Variants in IFFO2 observed in about 807,000 individuals in gnomAD.
The protein encoded by IFFO2 is intermediate filament family orphan 2.
IFFO2 carries 19 observed loss-of-function variants against 53.5 expected under a neutral mutation model. The observed-to-expected ratio is 0.36, with a 90% confidence interval of 0.25 to 0.52. IFFO2 has a LOEUF of 0.52. IFFO2 is among the 20% of genes least tolerant of loss of function. IFFO2 has a pLI of 0.94. For missense variants in IFFO2, 570 were observed against 727.4 expected, an observed-to-expected ratio of 0.78 and a Z score of 2.49; for synonymous variants, 303 against 313.6, an observed-to-expected ratio of 0.97 and a Z score of 0.36.
chr1:18,914,726 G>A (rs1171905160), intron 5 of IFFO2, among the ~76,000 whole-genome samples: 3 of 151,788 alleles, frequency 2.0e-5, no homozygotes, highest in African/African-American at 7.3e-5. Flanking sequence ...CGGAGACTGA[G>A]GCAGGAGAAT....
At chr1:18,926,303 T>G (rs1175741439) in intron 1 of IFFO2, among the ~76,000 whole-genome samples, 1 of 152,120 alleles carries the variant, frequency 6.6e-6, no homozygotes. Context: ...CTTCATCCAT[T>G]CGGCTCCAGA....
At position 18,904,470 on chromosome 1, in the gene IFFO2, A is replaced by ATGGGGTATAAAGTCTCCCTGGG. The variant is rs1557634387; in HGVS notation, c.*4069_*4090dup. The ATGGGGTATAAAGTCTCCCTGGG allele has an allele frequency of 6.6e-6, 1 of 152,126 alleles. No individual in the cohort carries two copies. Among genetic ancestry groups the ATGGGGTATAAAGTCTCCCTGGG allele is most frequent in the Non-Finnish European group, 1.5e-5 (1 of 68,022 alleles). The allele number at this position is 152,126 out of a possible 1,614,324, so 9.4% of individuals were successfully genotyped here. The stretch of plus-strand genomic sequence containing the variant: ...ACAACAGCAACGGTGGGGCAGGATC[A>ATGGGGTATAAAGTCTCCCTGGG]TGGGGTATAAAGTCTCCCTGGGTGG... On this transcript the variant is annotated 3_prime_UTR_variant, in exon 9 of 9. Transcript: ENST00000455833.
At chr1:18,933,602 C>T (rs1244376913) in intron 1 of IFFO2, among the ~76,000 whole-genome samples, 1 of 152,032 alleles carries the variant, frequency 6.6e-6, no homozygotes, top group Non-Finnish European at 1.5e-5. Flanking sequence ...CCCATCTCTA[C>T]AAAAAATTTA....
intron 1 of IFFO2, among the ~76,000 whole-genome samples, chr1:18,948,737 A>G (rs1202712599): frequency 6.6e-6 from 1 of 152,216 alleles, no homozygotes. Flanking sequence ...GCTGCCAGCA[A>G]AGGGCACGGG....
intron 1 of IFFO2, among the ~76,000 whole-genome samples, chr1:18,929,670 G>C: frequency 1.9e-5 from 1 of 52,686 alleles, no homozygotes; most frequent in Non-Finnish European, 3.9e-5. Flanking sequence ...TGAGAGGTGA[G>C]AGGTGAGTGG....
At chr1:18,923,030 C>T (rs1042075770) in intron 1 of IFFO2, among the ~76,000 whole-genome samples, 6 of 152,184 alleles carry the variant, frequency 3.9e-5, no homozygotes, top group African/African-American at 1.2e-4. Flanking sequence ...ATCATCTCTC[C>T]TGGCCACACG....
At chr1:18,933,487 A>G (rs1364536090) in intron 1 of IFFO2, among the ~76,000 whole-genome samples, 8 of 152,332 alleles carry the variant, frequency 5.3e-5, no homozygotes. Context: ...CTTAATACAC[A>G]TAACAGGCCA....
At chr1:18,954,659 G>A (rs1408640196) in intron 1 of IFFO2, among the ~76,000 whole-genome samples, 1 of 152,252 alleles carries the variant, frequency 6.6e-6, no homozygotes, top group Non-Finnish European at 1.5e-5. Flanking sequence ...CTTATGGGAA[G>A]AGGAGGAGGA....
intron 1 of IFFO2, among the ~76,000 whole-genome samples, chr1:18,950,716 G>A (rs186387645): frequency 3.6e-4 from 55 of 152,308 alleles, no homozygotes; most frequent in African/African-American, 1.2e-3. Flanking sequence ...TTCGGGCTTC[G>A]GGACATTCAG....
intron 1 of IFFO2, among the ~76,000 whole-genome samples, chr1:18,946,481 C>A (rs952234064): frequency 7.5e-6 from 1 of 132,752 alleles, no homozygotes; most frequent in Non-Finnish European, 1.5e-5. Flanking sequence ...GTGGCGAGAT[C>A]TCGGTTCACT....
chr1:18,912,061 C>T lies in IFFO2; in HGVS notation c.1126G>A (p.Asp376Asn), dbSNP rs1232395660. ...TCCCACGTCAGGCTGTCACAGTCGT[C>T]GTCAAAGTCAAAGGTCTCCCGCCTG... ...NQLRETFDFD[D>N]DCDSLTWEEN... The change falls in exon 6 of 9, where the codon GAC (aspartate) becomes AAC (asparagine). Residue 376 changes from aspartate (D) to asparagine (N), a missense_variant. By Grantham distance (23) the Asp-to-Asn change is conservative (BLOSUM62 1). Coordinates refer to ENST00000455833, the MANE Select transcript of IFFO2 (RefSeq NM_001136265.2). 6.4e-6 allele frequency: 10 copies of T among 1,551,534 alleles called. No individual in the cohort carries two copies. The highest frequency in any genetic ancestry group is 2.7e-5 in the African/African-American group (2 of 73,020).
chr1:18,918,909 G>A lies in IFFO2; in HGVS notation c.823-407C>T, dbSNP rs183031599. ...TCTCTCCTGGATGCCTCCCAAGGCC[G>A]GCAGTGGGAGTCACTGAGGACCACA... On this transcript the variant is annotated intron_variant, in intron 3 of 8. Coordinates refer to ENST00000455833, the MANE Select transcript of IFFO2 (RefSeq NM_001136265.2). This position sits in a 1 kb window ranked among gnomAD's most constrained non-coding sequence, Gnocchi z 5.2. Among the ~76,000 whole-genome samples the A allele has an allele frequency of 4.9e-3, 746 of 152,218 alleles. 10 individuals are homozygous for A. The highest frequency in any genetic ancestry group is 2.6e-3 in the Non-Finnish European group (179 of 67,976).
In IFFO2 at chr1:18,947,501, G is replaced by A. The variant is rs574147682; in HGVS notation, c.665+8167C>T. Among the ~76,000 whole-genome samples, 2 of 152,354 alleles carry A rather than the reference G, an allele frequency of 1.3e-5. No individual in the cohort carries two copies. Among genetic ancestry groups the A allele is most frequent in the East Asian group, 3.9e-4 (2 of 5,184 alleles). ...ATGGCCCTTTCTGGGTACAGCACAGGATAAAGGTTGGATCTGGAGCCTGAC... is the reference window on the plus strand; with the variant it reads ...ATGGCCCTTTCTGGGTACAGCACAGAATAAAGGTTGGATCTGGAGCCTGAC... On this transcript the variant is annotated intron_variant, in intron 1 of 8. Coordinates refer to ENST00000455833, the MANE Select transcript of IFFO2 (RefSeq NM_001136265.2). This position sits in a 1 kb window ranked among gnomAD's most constrained non-coding sequence, Gnocchi z 5.0.
At chr1:18,913,146 A>G (rs1338162043) in intron 5 of IFFO2, among the ~76,000 whole-genome samples, 6 of 152,188 alleles carry the variant, frequency 3.9e-5, no homozygotes, top group Non-Finnish European at 8.8e-5. Flanking sequence ...AGTGTTCCCA[A>G]TGGACTGGGT....
At position 18,955,978 on chromosome 1, in the gene IFFO2, G is replaced by T. The variant is rs1334107400; in HGVS notation, c.355C>A (p.Pro119Thr). 3.2e-5 allele frequency: 42 copies of T among 1,323,828 alleles called. No individual in the cohort carries two copies. The East Asian group carries it at 1.4e-3, about 43-fold the overall frequency. The allele number at this position is 1,323,828 out of a possible 1,614,324, so 82.0% of individuals were successfully genotyped here. A position where few individuals can be genotyped will look rare whatever the true frequency, so the allele number is the denominator to read the frequency against. ...TGPELLRPPA[P>T]GGGHGLSSGA... ...CTGCTGAGGCCGTGCCCGCCGCCGG[G>T]CGCCGGGGGCCGCAGCAACTCGGGC... Residue 119 changes from proline (P) to threonine (T), a missense_variant, in exon 1 of 9, where the codon CCC (proline) becomes ACC (threonine). Physicochemically the swap from Pro to Thr is conservative, Grantham distance 38. Coordinates refer to ENST00000455833, the MANE Select transcript of IFFO2 (RefSeq NM_001136265.2).
chr1:18,930,389 G>A (rs1936359909), intron 1 of IFFO2, among the ~76,000 whole-genome samples: 1 of 152,214 alleles, frequency 6.6e-6, no homozygotes, highest in East Asian at 1.9e-4. Context: ...TAACAGTCAT[G>A]TTGTTGATAG....
chr1:18,913,205 G>A (rs558909674), intron 5 of IFFO2, among the ~76,000 whole-genome samples: 10 of 152,314 alleles, frequency 6.6e-5, no homozygotes, highest in East Asian at 1.9e-4. Context: ...AAGCTGCCTC[G>A]AGCGCCCCCT....
At chr1:18,921,846 T>C (rs1316401573) in intron 1 of IFFO2, among the ~76,000 whole-genome samples, 2 of 151,890 alleles carry the variant, frequency 1.3e-5, no homozygotes, top group Non-Finnish European at 2.9e-5. Context: ...CGAAGCTGAA[T>C]AGGAAACGCG....
rs1337082752 is a variant in IFFO2, at chr1:18,917,725, A to C, written c.963+637T>G. Among the ~76,000 whole-genome samples, 1 of 152,080 alleles carries C rather than the reference A, an allele frequency of 6.6e-6. No individual in the cohort carries two copies. The highest frequency in any genetic ancestry group is 1.5e-5 in the Non-Finnish European group (1 of 68,034). On this transcript the variant is annotated intron_variant, in intron 4 of 8. Coordinates refer to ENST00000455833, the MANE Select transcript of IFFO2 (RefSeq NM_001136265.2). This position sits in a 1 kb window ranked among gnomAD's most constrained non-coding sequence, Gnocchi z 5.9. ...GAAACTCAAGAAGCAGCCTTCGGAG[A>C]ATGACATGTGCCTCATTCGGCTGGA...
Sources: allele counts gnomAD v4.1 joint callset (sites outside exome capture counted in the v4.1 genomes callset), GRCh38; gene constraint gnomAD v4.1.1; non-coding constraint Gnocchi (gnomAD v3.1); transcripts MANE v1.5; gene names NCBI Gene and HGNC (gene_info 2026-07-23, HGNC 2026-07-21).